Variants in NUP107 observed in about 807,000 individuals in gnomAD.
The protein encoded by NUP107 is nucleoporin 107.
NUP107 carries 101 observed loss-of-function variants against 141.0 expected under a neutral mutation model. The ratio of observed to expected loss-of-function variants is 0.72; its 90% CI spans 0.61 to 0.84. NUP107 has a LOEUF of 0.84. Among genes scored for constraint, NUP107 ranks in the 40% least tolerant of loss-of-function variants. NUP107 has a pLI of 0.00. For missense variants in NUP107, 941 were observed against 1,102.7 expected, an observed-to-expected ratio of 0.85 and a Z score of 2.08; for synonymous variants, 319 against 363.9, an observed-to-expected ratio of 0.88 and a Z score of 1.41.
In NUP107 at chr12:68,733,437, T is replaced by G. The variant is rs1247832285; in HGVS notation, c.2102-15T>G. On this transcript the variant is annotated splice_polypyrimidine_tract_variant and intron_variant, in intron 23 of 27. Coordinates refer to ENST00000229179, the MANE Select transcript of NUP107 (RefSeq NM_020401.4). ...AAGTCCGTAGGCATTCAAAATTGTG[T>G]ATCTTTTTTCACAGCATCAAAAAAG... is the stretch of plus-strand genomic sequence containing the variant. 1 of 1,603,210 alleles carries G rather than the reference T, an allele frequency of 6.2e-7. No individual in the cohort carries two copies.
intron 15 of NUP107, 38 bp downstream of exon 15, chr12:68,721,215 G>C (rs761886065): frequency 1.5e-6 from 2 of 1,366,992 alleles, no homozygotes; most frequent in Non-Finnish European, 2.1e-6. Flanking sequence ...TTTTTCTGTG[G>C]AGTAAAATTA....
At chr12:68,706,577 G>GC in intron 8 of NUP107, 1 of 682,636 alleles carries the variant, frequency 1.5e-6, no homozygotes, top group East Asian at 2.7e-5. Flanking sequence ...ACATCAGTCG[G>GC]CTCCAGGATG....
In NUP107 at chr12:68,719,663, A is replaced by G. The variant is rs779360487; in HGVS notation, c.1251+9A>G. ...GGAGAATGGCAGAAGATGTAAGATA[A>G]ATAAAATATTCAGTGATACTGTTTT... On this transcript the variant is annotated intron_variant, in intron 14 of 27. Coordinates refer to ENST00000229179, the MANE Select transcript of NUP107 (RefSeq NM_020401.4). The G allele has an allele frequency of 2.5e-6, 4 of 1,578,080 alleles. No individual in the cohort carries two copies. The highest frequency in any genetic ancestry group is 3.5e-6 in the Non-Finnish European group (4 of 1,147,624).
chr12:68,729,496 G>A (rs143918536), intron 20 of NUP107, among the ~76,000 whole-genome samples: 1 of 151,302 alleles, frequency 6.6e-6, no homozygotes, highest in Non-Finnish European at 1.5e-5. Context: ...GAGTGTAGTG[G>A]CATGATCTTG....
intron 5 of NUP107, among the ~76,000 whole-genome samples, chr12:68,696,009 TAAA>T (rs902805156): frequency 1.4e-5 from 2 of 138,596 alleles, no homozygotes; most frequent in Admixed American, 1.5e-4. Flanking sequence ...CCCCCTCTCT[TAAA>T]AAAAAAAAAA....
chr12:68,690,313 A>C (rs1255897598), intron 3 of NUP107, among the ~76,000 whole-genome samples: 1 of 152,066 alleles, frequency 6.6e-6, no homozygotes, highest in Non-Finnish European at 1.5e-5. Context: ...GCACTGCCTC[A>C]GTATGCCTTA....
chr12:68,728,317 C>A (rs966453856), intron 20 of NUP107, among the ~76,000 whole-genome samples: 1 of 148,704 alleles, frequency 6.7e-6, no homozygotes, highest in African/African-American at 2.5e-5. Flanking sequence ...TCAGGCCAGA[C>A]GTGGTGGCTT....
At chr12:68,721,300 T>TTTGTATACTTAA in intron 15 of NUP107, 123 bp downstream of exon 15, 1 of 565,864 alleles carries the variant, frequency 1.8e-6, no homozygotes, top group South Asian at 2.7e-5. Flanking sequence ...CATACTTAAG[T>TTTGTATACTTAA]GTAGCAATGA....
At chr12:68,689,884 A>T in intron 3 of NUP107, 1 of 339,766 alleles carries the variant, frequency 2.9e-6, no homozygotes, top group Non-Finnish European at 5.3e-6. Flanking sequence ...AATATATACA[A>T]TAAGTATGTA....
rs1468745627 is a variant in NUP107, at chr12:68,688,959, T to G, written c.9-3T>G. ...TTATATAAGCTTGATTATACTACTTTAGGAGTGGCTTTGGAGAGATATCAT... is the reference window on the plus strand; with the variant it reads ...TTATATAAGCTTGATTATACTACTTGAGGAGTGGCTTTGGAGAGATATCAT... On this transcript the variant is annotated splice_polypyrimidine_tract_variant and splice_region_variant and intron_variant, in intron 1 of 27. Coordinates refer to ENST00000229179, the MANE Select transcript of NUP107 (RefSeq NM_020401.4). 1 of 1,607,832 alleles carries G rather than the reference T, an allele frequency of 6.2e-7. No individual in the cohort carries two copies. Among genetic ancestry groups the G allele is most frequent in the Non-Finnish European group, 8.5e-7 (1 of 1,175,210 alleles).
chr12:68,733,003 G>A (rs770542713), intron 23 of NUP107, among the ~76,000 whole-genome samples: 14 of 152,054 alleles, frequency 9.2e-5, no homozygotes, highest in African/African-American at 1.4e-4. Context: ...TTTTTAAAAC[G>A]TTTTTGTTCA....
At position 68,726,436 on chromosome 12, in the gene NUP107, A is replaced by G. The variant is rs187801743; in HGVS notation, c.1577-63A>G. 39 of 1,012,640 alleles carry G rather than the reference A, an allele frequency of 3.9e-5. No individual in the cohort carries two copies. The East Asian group carries it at 9.1e-4, about 24-fold the overall frequency. The allele number at this position is 1,012,640 out of a possible 1,614,324, so 62.7% of individuals were successfully genotyped here. ...TAGGAGTGAAATAAATGTTCTTGGT[A>G]ATGTTTATTTTTTTCTTTTGATTTT... On this transcript the variant is annotated intron_variant, in intron 18 of 27. Transcript: ENST00000229179.
intron 8 of NUP107, chr12:68,706,688 G>C (rs970218441): frequency 5.4e-6 from 4 of 741,806 alleles, no homozygotes; most frequent in South Asian, 1.4e-5. Flanking sequence ...ACACCAAGCT[G>C]TCCAAGCTGG....
At chr12:68,701,612 G>T (rs1211100649) in intron 7 of NUP107, among the ~76,000 whole-genome samples, 2 of 151,756 alleles carry the variant, frequency 1.3e-5, no homozygotes, top group African/African-American at 4.8e-5. Context: ...AACCTCGGAG[G>T]CAGAGGTTGC....
chr12:68,721,734 A>G (rs1439381669), intron 15 of NUP107, 107 bp from the exon 16 acceptor site: 14 of 1,115,660 alleles, frequency 1.3e-5, no homozygotes, highest in Middle Eastern at 2.4e-4. Flanking sequence ...GCCGTGTTTT[A>G]TATCATTATA....
chr12:68,713,982 T>G, intron 11 of NUP107, 174 bp downstream of exon 11: 1 of 563,468 alleles, frequency 1.8e-6, no homozygotes. Context: ...TTGAAACATA[T>G]CCGTGACCTT....
At chr12:68,690,967 C>G (rs778630245) in intron 4 of NUP107, among the ~76,000 whole-genome samples, 2 of 151,978 alleles carry the variant, frequency 1.3e-5, no homozygotes, top group Non-Finnish European at 2.9e-5. Context: ...GTAATCCTAG[C>G]TGCTCGGGAG....
chr12:68,715,839 G>A (rs1400280923), intron 12 of NUP107, 99 bp downstream of exon 12: 1 of 599,982 alleles, frequency 1.7e-6, no homozygotes. Flanking sequence ...TCTTAATGTA[G>A]TAATTCCATT....
At chr12:68,721,781 C>T in intron 15 of NUP107, 60 bp from the exon 16 acceptor site, 2 of 1,519,398 alleles carry the variant, frequency 1.3e-6, no homozygotes, top group Non-Finnish European at 1.8e-6. Flanking sequence ...GATGTAATTG[C>T]TTTTCCTTTC....
Sources: gnomAD v4.1 joint callset for allele counts (sites outside exome capture counted in the v4.1 genomes callset) on GRCh38, gnomAD v4.1.1 for gene constraint, MANE v1.5 for transcripts, NCBI Gene and HGNC (gene_info 2026-07-23, HGNC 2026-07-21) for gene names.